Variants in FFAR1 observed in about 807,000 individuals in gnomAD.
The protein encoded by FFAR1 is G-protein coupled receptor 40.
For synonymous variants in FFAR1, 216 were observed against 201.5 expected (o/e 1.07, Z -0.61); for missense variants, 424 against 396.2 (o/e 1.07, Z -0.60).
upstream of FFAR1, among the ~76,000 whole-genome samples, chr19:35,350,416 G>A (rs746204116): frequency 4.6e-5 from 7 of 152,224 alleles, no homozygotes; most frequent in Non-Finnish European, 1.0e-4. Flanking sequence ...TGTGTTGTCA[G>A]GGGTGAGCCA....
chr19:35,351,252 A>G (rs918483560), upstream of FFAR1, among the ~76,000 whole-genome samples: 1 of 152,088 alleles, frequency 6.6e-6, no homozygotes, highest in Non-Finnish European at 1.5e-5. Context: ...TGTGCGCCAC[A>G]TCCTATCTCC....
upstream of FFAR1, among the ~76,000 whole-genome samples, chr19:35,349,002 C>T (rs1460384679): frequency 2.0e-5 from 3 of 152,140 alleles, no homozygotes; most frequent in Admixed American, 6.6e-5. Flanking sequence ...ATTGCTGAGG[C>T]GTGAAGAGCA....
At chr19:35,352,131 C>A (rs377484027) in exon 1 of FFAR1, 8 of 1,611,442 alleles carry the variant, frequency 5.0e-6, no homozygotes, top group Non-Finnish European at 5.9e-6. Flanking sequence ...CTTTTTTCTG[C>A]CCTTGGCCAT....
chr19:35,351,411 C>A, upstream of FFAR1: 1 of 727,342 alleles, frequency 1.4e-6, no homozygotes, highest in Non-Finnish European at 2.3e-6. Context: ...CCTCCCTGAT[C>A]CCACCAGGTG....
chr19:35,353,021 G>C (rs780863985), exon 1 of FFAR1: 8 of 163,524 alleles, frequency 4.9e-5, no homozygotes, highest in Non-Finnish European at 1.1e-4. Flanking sequence ...GCAAGGTCCC[G>C]CAGTGATGGG....
At chr19:35,351,543 G>A, upstream of FFAR1, 3 of 1,539,058 alleles carry the variant, frequency 1.9e-6, no homozygotes, top group East Asian at 2.4e-5. Flanking sequence ...AGGCCAGGAC[G>A]GCGGCCCCAT....
chr19:35,350,017 C>T (rs145732554), upstream of FFAR1, among the ~76,000 whole-genome samples: 740 of 152,270 alleles, frequency 4.9e-3, 8 homozygotes, highest in South Asian at 0.035. Flanking sequence ...AAGGAAGCTA[C>T]GCAGCCGGCC....
At chr19:35,352,751 G>A in exon 1 of FFAR1, 2 of 474,178 alleles carry the variant, frequency 4.2e-6, no homozygotes, top group Non-Finnish European at 7.7e-6. Context: ...TCTTCCGTGG[G>A]CCGCGAGCAG....
upstream of FFAR1, among the ~76,000 whole-genome samples, chr19:35,349,113 G>GGTCCA: frequency 6.6e-6 from 1 of 152,308 alleles, no homozygotes; most frequent in South Asian, 2.1e-4. Flanking sequence ...TCCAGACAAT[G>GGTCCA]GATCGTGCAT....
At chr19:35,351,716 G>A (rs769406381) in exon 1 of FFAR1, 64 of 1,565,504 alleles carry the variant, frequency 4.1e-5, no homozygotes, top group Non-Finnish European at 5.3e-5. Flanking sequence ...ACCTGCTGCT[G>A]ACAGTCTCTC....
At chr19:35,353,613 G>A (rs906236626) in exon 1 of FFAR1, 1 of 152,234 alleles carries the variant, frequency 6.6e-6, no homozygotes, top group Non-Finnish European at 1.5e-5. Flanking sequence ...TACCTTCACA[G>A]CACTGTGCTG....
upstream of FFAR1, chr19:35,351,551 C>T: frequency 6.5e-7 from 1 of 1,539,942 alleles, no homozygotes; most frequent in Non-Finnish European, 8.7e-7. Flanking sequence ...ACGGCGGCCC[C>T]ATGGACCTGC....
chr19:35,353,016 G>C (rs1309997408), exon 1 of FFAR1: 1 of 163,954 alleles, frequency 6.1e-6, no homozygotes, highest in African/African-American at 2.4e-5. Flanking sequence ...AAAATGCAAG[G>C]TCCCGCAGTG....
At chr19:35,350,817 A>G (rs1388406391), upstream of FFAR1, among the ~76,000 whole-genome samples, 27 of 152,006 alleles carry the variant, frequency 1.8e-4, no homozygotes, top group South Asian at 1.2e-3. Flanking sequence ...TGAGCCTCAG[A>G]GACATCTGGC....
upstream of FFAR1, among the ~76,000 whole-genome samples, chr19:35,348,277 A>G (rs2066929448): frequency 6.6e-6 from 1 of 152,132 alleles, no homozygotes; most frequent in South Asian, 2.1e-4. Context: ...AGCACCATTA[A>G]CTTTTCTGGA....
At chr19:35,347,941 C>G (rs910024709), upstream of FFAR1, among the ~76,000 whole-genome samples, 33 of 141,080 alleles carry the variant, frequency 2.3e-4, no homozygotes, top group African/African-American at 8.1e-4. Flanking sequence ...CACCCGTTCT[C>G]TAATTCTGTT....
At chr19:35,351,877 C>A in exon 1 of FFAR1, 1 of 1,613,944 alleles carries the variant, frequency 6.2e-7, no homozygotes. Context: ...CTGGGAGCAG[C>A]CTTCCCCTTG....
chr19:35,352,509 G>T (rs1190434914), exon 1 of FFAR1: 22 of 1,514,346 alleles, frequency 1.5e-5, no homozygotes, highest in Non-Finnish European at 1.9e-5. Flanking sequence ...GCTTCTCCAG[G>T]CCCCTGCGGG....
rs142645954 is a variant in FFAR1 at position 35,352,099 on chromosome 19, G to A, written c.548G>A (p.Arg183His). 47 of 1,612,376 alleles carry A rather than the reference G, an allele frequency of 2.9e-5. No homozygotes were observed. Among genetic ancestry groups the A allele is most frequent in the Middle Eastern group, 3.3e-4 (2 of 6,084 alleles). ...GACCCGGCCTCTGCCGGCCCGGCCC[G>A]CTTCAGCCTCTCTCTCCTGCTCTTT... The change falls in exon 1 of 1, where the codon CGC becomes CAC. Residue 183 changes from arginine (R) to histidine (H), a missense_variant. Arg to His is a conservative substitution (Grantham distance 29). Coordinates refer to ENST00000246553, the Ensembl canonical transcript of FFAR1.
Sources: allele counts gnomAD v4.1 joint callset (sites outside exome capture counted in the v4.1 genomes callset), GRCh38; gene constraint gnomAD v4.1.1; transcripts MANE v1.5; gene names NCBI Gene and HGNC (gene_info 2026-07-23, HGNC 2026-07-21).